COL4A4: variants seen among roughly 807,000 people sequenced by gnomAD.
COL4A4 encodes the protein collagen alpha-4(IV) chain.
A neutral mutation model predicts 192.9 loss-of-function variants in COL4A4; 105 were observed. That is an observed-to-expected ratio of 0.54 (90% CI 0.46 to 0.64). The LOEUF (loss-of-function observed/expected upper bound fraction) is 0.64, where lower values mean the gene tolerates loss of function less well. COL4A4 is among the 30% of genes least tolerant of loss of function. The pLI is 0.00. For synonymous variants in COL4A4, 762 were observed against 769.9 expected (o/e 0.99, Z 0.17); for missense variants, 1,967 against 2,169.3 (o/e 0.91, Z 1.85).
chr2:227,055,419 C>T (rs1463885381), intron 30 of COL4A4, among the ~76,000 whole-genome samples: 1 of 151,592 alleles, frequency 6.6e-6, no homozygotes, highest in Non-Finnish European at 1.5e-5. Context: ...CACTTGAGCC[C>T]AGGAGTTCAA....
At chr2:227,056,969 A>C (rs1975518910) in intron 29 of COL4A4, among the ~76,000 whole-genome samples, 1 of 152,176 alleles carries the variant, frequency 6.6e-6, no homozygotes, top group Non-Finnish European at 1.5e-5. Context: ...GTGCGAATGG[A>C]CTAAGGCAGC....
Position 227,050,009 on chromosome 2 carries a change from T to C in COL4A4, c.3214+59A>G. ...TCATGTAAAAGGCACTTGTTTACAA[T>C]GTTATAAACATTCGGGACTATGCAT... On this transcript the variant is annotated intron_variant, in intron 34 of 47. Coordinates refer to ENST00000396625, the MANE Select transcript of COL4A4 (RefSeq NM_000092.5). 2.0e-6 allele frequency: 3 copies of C among 1,504,752 alleles called. No individual in the cohort carries two copies. The South Asian group carries it at 3.4e-5, about 17-fold the overall frequency. 93.2% of individuals were successfully genotyped at this position (1,504,752 alleles called of 1,614,324 possible).
intron 1 of COL4A4, among the ~76,000 whole-genome samples, chr2:227,158,103 C>T (rs1215228194): frequency 1.3e-5 from 2 of 152,102 alleles, no homozygotes; most frequent in African/African-American, 4.8e-5. Context: ...AGGACTTACA[C>T]TAGTCTTGCT....
intron 3 of COL4A4, among the ~76,000 whole-genome samples, chr2:227,142,429 C>T (rs1046981792): frequency 6.6e-6 from 1 of 152,148 alleles, no homozygotes; most frequent in African/African-American, 2.4e-5. Context: ...TGCCTTATCT[C>T]AGATATTGTT....
chr2:227,022,563 G>T, intron 43 of COL4A4: 1 of 538,996 alleles, frequency 1.9e-6, no homozygotes, highest in Non-Finnish European at 3.8e-6. Context: ...AGGGACTGGT[G>T]GGTTCCTAAA....
chr2:226,980,255 C>T, the COL4A4 span, among the ~76,000 whole-genome samples: 78 of 152,208 alleles, frequency 5.1e-4, no homozygotes, highest in Admixed American at 8.5e-4. Flanking sequence ...AAATAAGAGG[C>T]AAAGCCAGTA....
chr2:227,100,240 T>C (rs2150755271), intron 17 of COL4A4, among the ~76,000 whole-genome samples: 1 of 152,302 alleles, frequency 6.6e-6, no homozygotes, highest in East Asian at 1.9e-4. Flanking sequence ...CTCTCTAAGA[T>C]GCCCTCTGTT....
rs140960613 is a variant in COL4A4 at position 227,161,284 on chromosome 2, A to C, written c.-102+2723T>G. Among the ~76,000 whole-genome samples, 293 of 152,370 alleles carry C rather than the reference A, an allele frequency of 1.9e-3. 3 individuals carry two copies. The Middle Eastern group carries it at 0.041, about 21-fold the overall frequency. On this transcript the variant is annotated intron_variant, in intron 1 of 47. Transcript: ENST00000396625. ...GTGAAGCAGACACAACTATTTAAAC[A>C]GTGTGTAGAAAACGGACATGATACT...
intron 20 of COL4A4, among the ~76,000 whole-genome samples, chr2:227,093,166 A>G (rs2060028259): frequency 6.6e-6 from 1 of 152,178 alleles, no homozygotes; most frequent in Non-Finnish European, 1.5e-5. Flanking sequence ...TAGCCTCTAA[A>G]CTGCCCTTGG....
chr2:227,146,032 T>C (rs914017952), intron 2 of COL4A4, among the ~76,000 whole-genome samples: 1 of 152,374 alleles, frequency 6.6e-6, no homozygotes, highest in East Asian at 1.9e-4. Context: ...ATAGGATATG[T>C]TGCATTTTAT....
chr2:227,105,767 T>A (rs1480910297), intron 12 of COL4A4, among the ~76,000 whole-genome samples: 2 of 152,204 alleles, frequency 1.3e-5, no homozygotes, highest in African/African-American at 4.8e-5. Context: ...AGGTCACCCA[T>A]GTTTGCAAAC....
chr2:227,089,178 G>GA (rs11396112), intron 21 of COL4A4, among the ~76,000 whole-genome samples: 66,288 of 150,382 alleles, frequency 0.44, 14,902 homozygotes, highest in South Asian at 0.53. Flanking sequence ...GGTTCCTCCT[G>GA]AAAAAAAAAC....
chr2:227,009,713 GGAAAAGAGAAGAGAAGA>G (rs58011300), intron 46 of COL4A4, among the ~76,000 whole-genome samples: 58,629 of 138,690 alleles, frequency 0.42, 12,577 homozygotes, highest in South Asian at 0.56. Flanking sequence ...AAAAAAAAGA[GGAAAAGAGAAGAGAAGA>G]GAAAAGAGAA....
At chr2:227,163,657 T>A (rs1365999841) in intron 1 of COL4A4, among the ~76,000 whole-genome samples, 1 of 152,194 alleles carries the variant, frequency 6.6e-6, no homozygotes, top group Admixed American at 6.5e-5. Context: ...AGTCTTGTTT[T>A]GCCCTGCATT....
At chr2:227,017,108 G>A (rs918033968) in intron 44 of COL4A4, among the ~76,000 whole-genome samples, 1 of 152,148 alleles carries the variant, frequency 6.6e-6, no homozygotes, top group African/African-American at 2.4e-5. Flanking sequence ...TCTAGAAAGG[G>A]CTGCCTTAGT....
chr2:227,062,464 G>C (rs1409172729), intron 26 of COL4A4, 66 bp downstream of exon 26: 1 of 1,010,404 alleles, frequency 9.9e-7, no homozygotes. Context: ...TGGTTTATCT[G>C]TCTGGCTGGT....
intron 21 of COL4A4, among the ~76,000 whole-genome samples, chr2:227,089,230 AG>A (rs1297878432): frequency 6.6e-6 from 1 of 152,186 alleles, no homozygotes; most frequent in Non-Finnish European, 1.5e-5. Context: ...TAAACAATTA[AG>A]GAGACAAAAT....
At chr2:227,160,581 G>T (rs1347767865) in intron 1 of COL4A4, among the ~76,000 whole-genome samples, 1 of 152,188 alleles carries the variant, frequency 6.6e-6, no homozygotes, top group Non-Finnish European at 1.5e-5. Context: ...GTCCCGTGAT[G>T]AATATGTAGT....
chr2:227,004,914 GAAC>G lies in COL4A4; in HGVS notation c.*2408_*2410del, dbSNP rs1002432259. On this transcript the variant is annotated 3_prime_UTR_variant, in exon 48 of 48. Transcript: ENST00000396625. ...GATCATCTCCAATAATGGGTTAGGA[GAAC>G]AACTTAAAAGCTTTGTTCATCACCT... 103 of 152,298 alleles carry G rather than the reference GAAC, an allele frequency of 6.8e-4. No homozygotes were observed. The highest frequency in any genetic ancestry group is 2.3e-3 in the African/African-American group (97 of 41,556). 9.4% of individuals were successfully genotyped at this position (152,298 alleles called of 1,614,324 possible). A position where few individuals can be genotyped will look rare whatever the true frequency, so the allele number is the denominator to read the frequency against.
Sources: allele counts gnomAD v4.1 joint callset (sites outside exome capture counted in the v4.1 genomes callset), GRCh38; gene constraint gnomAD v4.1.1; transcripts MANE v1.5; gene names NCBI Gene and HGNC (gene_info 2026-07-23, HGNC 2026-07-21).